The following ZNF678 variants were observed in gnomAD, a reference collection of about 807,000 sequenced individuals.
ZNF678 encodes hypothetical protein MGC42493.
ZNF678 carries 5 observed loss-of-function variants against 3.0 expected under a neutral mutation model. The observed-to-expected ratio is 1.69, with a 90% CI of 0.88 to 3.56. The LOEUF is 3.56. ZNF678 is among the 30% of genes most tolerant of loss of function. ZNF678 has a pLI of 0.00. For missense variants in ZNF678, 593 were observed against 605.0 expected (o/e 0.98, Z 0.21); for synonymous variants, 218 against 199.6 (o/e 1.09, Z -0.78).
intron 1 of ZNF678, among the ~76,000 whole-genome samples, chr1:227,588,770 G>A (rs1571868245): frequency 6.6e-6 from 1 of 152,048 alleles, no homozygotes; most frequent in Admixed American, 6.5e-5. Flanking sequence ...CTCCCAAAGT[G>A]CTGGGATTAC....
intron 5 of ZNF678, among the ~76,000 whole-genome samples, chr1:227,669,818 G>A (rs773857870): frequency 5.6e-4 from 85 of 152,146 alleles, no homozygotes; most frequent in Non-Finnish European, 9.4e-4. Flanking sequence ...TTAAAACAGA[G>A]TTACCATTTG....
downstream of ZNF678, among the ~76,000 whole-genome samples, chr1:227,678,195 C>T (rs1014378760): frequency 6.6e-6 from 1 of 152,096 alleles, no homozygotes. Context: ...ACGCCTGGGT[C>T]GAATTGGTCA....
intron 1 of ZNF678, among the ~76,000 whole-genome samples, chr1:227,617,719 A>G (rs1308193482): frequency 3.3e-5 from 5 of 152,238 alleles, no homozygotes; most frequent in Non-Finnish European, 7.3e-5. Flanking sequence ...TGGAAGGAAC[A>G]TGATTGAAAA....
chr1:227,628,532 T>C (rs567628486), intron 1 of ZNF678, among the ~76,000 whole-genome samples: 1 of 152,354 alleles, frequency 6.6e-6, no homozygotes, highest in African/African-American at 2.4e-5. Context: ...ACCCTCTTAA[T>C]TGCTTCAGGG....
chr1:227,631,884 A>G (rs939300122), intron 1 of ZNF678, among the ~76,000 whole-genome samples: 3 of 152,212 alleles, frequency 2.0e-5, no homozygotes, highest in African/African-American at 7.2e-5. Flanking sequence ...AACACAGTGG[A>G]AGGACGTTTG....
intron 1 of ZNF678, among the ~76,000 whole-genome samples, chr1:227,628,886 T>C (rs887505136): frequency 1.3e-5 from 2 of 152,208 alleles, no homozygotes; most frequent in African/African-American, 4.8e-5. Context: ...TGAAGGATCT[T>C]CAAAGGCAAA....
chr1:227,606,770 T>A (rs1470853105), intron 1 of ZNF678, among the ~76,000 whole-genome samples: 1 of 152,162 alleles, frequency 6.6e-6, no homozygotes, highest in African/African-American at 2.4e-5. Flanking sequence ...GAATGGAGAA[T>A]GGCAATGACT....
chr1:227,643,843 A>G (rs1247706791), intron 1 of ZNF678, among the ~76,000 whole-genome samples: 1 of 136,262 alleles, frequency 7.3e-6, no homozygotes, highest in Non-Finnish European at 1.6e-5. Flanking sequence ...TATTTTATAT[A>G]TTTTCTTTTC....
At position 227,654,131 on chromosome 1, in the gene ZNF678, A is replaced by G. The variant is rs186017919; in HGVS notation, c.86-205A>G. Among the ~76,000 whole-genome samples, 9 of 151,596 alleles carry G rather than the reference A, an allele frequency of 5.9e-5. 1 individual carries two copies. In the East Asian group the frequency reaches 1.7e-3, roughly 29 times the overall value. On this transcript the variant is annotated intron_variant, in intron 3 of 3. Transcript: ENST00000343776. Reference sequence around the variant, plus strand: ...ATTGTGCTCACCTAGGGTGTTGCAAACTCTTAACTAGATTTTATTTTCAAA... The same window carrying G: ...ATTGTGCTCACCTAGGGTGTTGCAAGCTCTTAACTAGATTTTATTTTCAAA...
In ZNF678 at chr1:227,624,942, A is replaced by G. The variant is rs546271787; in HGVS notation, c.-163-21602A>G. On this transcript the variant is annotated intron_variant, in intron 1 of 3. Coordinates refer to ENST00000343776, the MANE Select transcript of ZNF678 (RefSeq NM_001367909.1). ...CGAGCCGCAACAAACGCGGACCGGA[A>G]GAGTGTGCAGTTGCAAAATTTAATA... 7.2e-5 allele frequency among the ~76,000 whole-genome samples: 11 copies of G among 152,314 alleles called. No individual in the cohort carries two copies. In the East Asian group the frequency reaches 2.1e-3, roughly 29 times the overall value.
At chr1:227,602,167 T>G (rs2102750789) in intron 1 of ZNF678, among the ~76,000 whole-genome samples, 1 of 152,286 alleles carries the variant, frequency 6.6e-6, no homozygotes, top group East Asian at 1.9e-4. Flanking sequence ...AAACAAAAAC[T>G]TATATAAAGT....
chr1:227,655,430 C>A lies in ZNF678; in HGVS notation c.1180C>A (p.Gln394Lys). The A allele has an allele frequency of 6.2e-7, 1 of 1,610,654 alleles. No individual in the cohort carries two copies. The highest frequency in any genetic ancestry group is 8.5e-7 in the Non-Finnish European group (1 of 1,178,718). ...KAFNKFSSLT[Q>K]HRRIHTGVKP... Reference sequence around the variant, plus strand: ...GTTTAACAAGTTCTCAAGCCTTACTCAACATAGGAGAATTCATACTGGAGT... The same window carrying A: ...GTTTAACAAGTTCTCAAGCCTTACTAAACATAGGAGAATTCATACTGGAGT... The change falls in exon 4 of 4, where the codon CAA (glutamine) becomes AAA (lysine). Residue 394 changes from glutamine (Q) to lysine (K), a missense_variant. By Grantham distance (53) the Gln-to-Lys change is moderately conservative. Coordinates refer to ENST00000343776, the MANE Select transcript of ZNF678 (RefSeq NM_001367909.1).
downstream of ZNF678, among the ~76,000 whole-genome samples, chr1:227,666,548 G>A (rs949507610): frequency 3.3e-5 from 5 of 152,116 alleles, no homozygotes; most frequent in Non-Finnish European, 7.3e-5. Flanking sequence ...GCCTTGACTT[G>A]TGGCTTAGGG....
chr1:227,605,742 TAAAC>T lies in ZNF678; in HGVS notation c.-163-40798_-163-40795del, dbSNP rs563506113. On this transcript the variant is annotated intron_variant, in intron 1 of 3. Coordinates refer to ENST00000343776, the MANE Select transcript of ZNF678 (RefSeq NM_001367909.1). ...TTAACAGCTTTATTAAAATATTTGATAAACAAAAAATGTCAAGCTCAATATACTC... is the reference window on the plus strand; with the variant it reads ...TTAACAGCTTTATTAAAATATTTGATAAAAAATGTCAAGCTCAATATACTC... 7.5e-4 allele frequency among the ~76,000 whole-genome samples: 114 copies of T among 152,286 alleles called. 1 individual carries two copies. The highest frequency in any genetic ancestry group is 1.7e-3 in the African/African-American group (72 of 41,574).
intron 1 of ZNF678, among the ~76,000 whole-genome samples, chr1:227,577,277 C>G (rs1157169955): frequency 6.6e-6 from 1 of 152,154 alleles, no homozygotes; most frequent in African/African-American, 2.4e-5. Context: ...GTGCTGAGTT[C>G]AAGTCCTGAA....
Position 227,656,565 on chromosome 1 carries a change from T to C in ZNF678, c.*737T>C, listed in dbSNP as rs1170341851. On this transcript the variant is annotated 3_prime_UTR_variant, in exon 4 of 4. Transcript: ENST00000343776. ...TCTTCTATATTAGATGACCATCATT[T>C]ATATGCTTTTTCATGAATGATTAAG... 1 of 151,894 alleles carries C rather than the reference T, an allele frequency of 6.6e-6. No individual in the cohort carries two copies. Among genetic ancestry groups the C allele is most frequent in the Admixed American group, 6.6e-5 (1 of 15,218 alleles). The allele number at this position is 151,894 out of a possible 1,614,324, so 9.4% of individuals were successfully genotyped here. A position where few individuals can be genotyped will look rare whatever the true frequency, so the allele number is the denominator to read the frequency against.
At chr1:227,649,056 A>ACC (rs1439919965) in intron 2 of ZNF678, among the ~76,000 whole-genome samples, 2 of 152,130 alleles carry the variant, frequency 1.3e-5, no homozygotes, top group Non-Finnish European at 2.9e-5. Context: ...TATTTTTATG[A>ACC]CCGAATAATA....
chr1:227,580,770 A>T (rs1018984742), intron 1 of ZNF678, among the ~76,000 whole-genome samples: 10 of 152,120 alleles, frequency 6.6e-5, no homozygotes, highest in Non-Finnish European at 1.2e-4. Flanking sequence ...GTCTCTACTA[A>T]AAATACAGAA....
At chr1:227,609,035 A>G (rs1044183618) in intron 1 of ZNF678, among the ~76,000 whole-genome samples, 25 of 152,220 alleles carry the variant, frequency 1.6e-4, no homozygotes, top group African/African-American at 5.3e-4. Flanking sequence ...GAAAAACTAG[A>G]TATTTCCAAA....
Sources: gnomAD v4.1 joint callset for allele counts (sites outside exome capture counted in the v4.1 genomes callset) on GRCh38, gnomAD v4.1.1 for gene constraint, MANE v1.5 for transcripts, NCBI Gene and HGNC (gene_info 2026-07-23, HGNC 2026-07-21) for gene names.